Variants in USP33 observed in about 807,000 individuals in gnomAD.
The protein encoded by USP33 is ubiquitin specific peptidase 33.
In USP33, 46 loss-of-function variants were observed where a neutral mutation model predicts 124.2. That is an observed-to-expected ratio of 0.37 (90% CI 0.29 to 0.47). The LOEUF is 0.47. USP33 is among the 20% of genes least tolerant of loss of function. USP33 has a pLI of 0.99. For synonymous variants in USP33, 350 were observed against 352.3 expected (o/e 0.99, Z 0.07); for missense variants, 851 against 1,070.6 (o/e 0.79, Z 2.86).
intron 1 of USP33, among the ~76,000 whole-genome samples, chr1:77,755,270 T>G (rs1045704154): frequency 2.6e-5 from 4 of 152,242 alleles, no homozygotes; most frequent in Admixed American, 2.6e-4. Context: ...AAACAAATGC[T>G]ATCACCATAT....
In USP33 at chr1:77,718,056, G is replaced by T. The variant is rs769382239; in HGVS notation, c.1738-9C>A. The T allele has an allele frequency of 2.5e-6, 4 of 1,574,562 alleles. No homozygotes were observed. The highest frequency in any genetic ancestry group is 1.2e-5 in the South Asian group (1 of 83,400). Reference sequence around the variant, plus strand: ...AGGTGGATGCACAAAATCTAAAAAAGAATAAAATTCAAAACTAATTTGTCA... The same window carrying T: ...AGGTGGATGCACAAAATCTAAAAAATAATAAAATTCAAAACTAATTTGTCA... On this transcript the variant is annotated splice_polypyrimidine_tract_variant and intron_variant, in intron 16 of 23. Coordinates refer to ENST00000370794, the MANE Select transcript of USP33 (RefSeq NM_201624.3).
At chr1:77,702,677 C>A (rs945250189) in intron 21 of USP33, among the ~76,000 whole-genome samples, 1 of 151,990 alleles carries the variant, frequency 6.6e-6, no homozygotes, top group Non-Finnish European at 1.5e-5. Flanking sequence ...ATTCCAATGT[C>A]AATTCAGGTA....
chr1:77,749,279 GATTT>G (rs1033916572), intron 1 of USP33, among the ~76,000 whole-genome samples: 1 of 152,012 alleles, frequency 6.6e-6, no homozygotes, highest in Non-Finnish European at 1.5e-5. Context: ...CCAGATTTGG[GATTT>G]ATTTATCTTC....
chr1:77,721,365 T>G, intron 14 of USP33, 160 bp from the exon 15 acceptor site: 1 of 677,576 alleles, frequency 1.5e-6, no homozygotes. Flanking sequence ...CTGTTTACCT[T>G]CCCCTCCCTT....
intron 1 of USP33, among the ~76,000 whole-genome samples, chr1:77,746,887 A>G (rs906078667): frequency 6.6e-6 from 1 of 152,228 alleles, no homozygotes; most frequent in African/African-American, 2.4e-5. Context: ...TCTCAAAATA[A>G]TAAGAGCTAT....
At chr1:77,716,522 G>C (rs1008455161) in intron 17 of USP33, among the ~76,000 whole-genome samples, 1 of 152,156 alleles carries the variant, frequency 6.6e-6, no homozygotes, top group Non-Finnish European at 1.5e-5. Flanking sequence ...AGTGAGACTC[G>C]CATTTATTCA....
chr1:77,754,580 C>A (rs1680633843), intron 1 of USP33, among the ~76,000 whole-genome samples: 1 of 152,294 alleles, frequency 6.6e-6, no homozygotes, highest in South Asian at 2.1e-4. Flanking sequence ...ATCATTCAAA[C>A]CTCTGTGAGG....
chr1:77,698,130 A>G (rs1673604232), intron 22 of USP33, among the ~76,000 whole-genome samples, 199 bp from the exon 23 acceptor site: 1 of 150,130 alleles, frequency 6.7e-6, no homozygotes, highest in Non-Finnish European at 1.5e-5. Context: ...CAGTGGCACC[A>G]TCACAGCTCA....
chr1:77,697,739 CTAGT>C, intron 23 of USP33, 120 bp downstream of exon 23: 1 of 1,069,336 alleles, frequency 9.4e-7, no homozygotes. Flanking sequence ...ATTACTTGCC[CTAGT>C]TAATGTATGG....
intron 22 of USP33, among the ~76,000 whole-genome samples, chr1:77,700,006 C>T (rs1673823283): frequency 6.6e-6 from 1 of 151,024 alleles, no homozygotes; most frequent in African/African-American, 2.4e-5. Context: ...AACACAAGGA[C>T]ACAGGGAGGA....
intron 10 of USP33, among the ~76,000 whole-genome samples, chr1:77,726,325 A>G (rs984278365): frequency 1.3e-5 from 2 of 151,734 alleles, no homozygotes; most frequent in Non-Finnish European, 2.9e-5. Flanking sequence ...GCCAAAGAGG[A>G]TCTTGTTTGT....
chr1:77,711,528 TACACACACACACAC>T lies in USP33; in HGVS notation c.2406+205_2406+218del, dbSNP rs66475824. The T allele has an allele frequency of 1.3e-3, 472 of 352,086 alleles. 2 individuals are homozygous for T. The highest frequency in any genetic ancestry group is 2.1e-3 in the Non-Finnish European group (436 of 209,768). 21.8% of individuals were successfully genotyped at this position (352,086 alleles called of 1,614,324 possible). On this transcript the variant is annotated intron_variant, in intron 21 of 23. Coordinates refer to ENST00000370794, the MANE Select transcript of USP33 (RefSeq NM_201624.3). ...GGCGACAGAGCAAGATTTTGTCTCA[TACACACACACACAC>T]ACACACACACACACACACAAAGGGA... is the stretch of plus-strand genomic sequence containing the variant.
chr1:77,717,422 G>T (rs977770691), intron 17 of USP33: 1 of 151,504 alleles, frequency 6.6e-6, no homozygotes, highest in Non-Finnish European at 1.5e-5. Context: ...CCTGGGAGGC[G>T]GTGGTTGCAG....
At chr1:77,746,799 T>C (rs1679787549) in intron 1 of USP33, among the ~76,000 whole-genome samples, 1 of 152,236 alleles carries the variant, frequency 6.6e-6, no homozygotes, top group Admixed American at 6.5e-5. Context: ...TCTCAATAGA[T>C]GCAGAAAAGG....
At chr1:77,748,792 C>T (rs1014169400) in intron 1 of USP33, among the ~76,000 whole-genome samples, 2 of 132,322 alleles carry the variant, frequency 1.5e-5, no homozygotes, top group East Asian at 4.4e-4. Context: ...CCCCCCCCCC[C>T]GTGCTTGAAT....
At chr1:77,704,099 A>G (rs1254993854) in intron 21 of USP33, among the ~76,000 whole-genome samples, 1 of 151,312 alleles carries the variant, frequency 6.6e-6, no homozygotes, top group Non-Finnish European at 1.5e-5. Context: ...CGGGCAAAAG[A>G]GCAACAACTT....
chr1:77,697,298 ACT>A lies in USP33; in HGVS notation c.*17_*18del. The A allele has an allele frequency of 6.4e-7, 1 of 1,573,818 alleles. No homozygotes were observed. The highest frequency in any genetic ancestry group is 1.2e-5 in the South Asian group (1 of 83,814). On this transcript the variant is annotated 3_prime_UTR_variant, in exon 24 of 24. Transcript: ENST00000370794. ...CACATGAAAATGATTCCTCATTAGA[ACT>A]CTCTACATCCTAAAAATTACAAAGA...
intron 17 of USP33, chr1:77,717,546 T>C (rs916455977): frequency 3.0e-5 from 5 of 164,228 alleles, no homozygotes; most frequent in Non-Finnish European, 6.6e-5. Context: ...ATTTTCAATA[T>C]TGGAAACATC....
At position 77,697,137 on chromosome 1, in the gene USP33, A is replaced by G. The variant is rs1227063191; in HGVS notation, c.*180T>C. On this transcript the variant is annotated 3_prime_UTR_variant, in exon 24 of 24. Transcript: ENST00000370794. ...TAAGTATTTAAAACTAAATATACCAACCTGTGGTATATTACACATTTTAAT... is the reference window on the plus strand; with the variant it reads ...TAAGTATTTAAAACTAAATATACCAGCCTGTGGTATATTACACATTTTAAT... 6 of 545,092 alleles carry G rather than the reference A, an allele frequency of 1.1e-5. No individual in the cohort carries two copies. Among genetic ancestry groups the G allele is most frequent in the Non-Finnish European group, 1.5e-5 (5 of 325,146 alleles). The allele number at this position is 545,092 out of a possible 1,614,324, so 33.8% of individuals were successfully genotyped here. A position where few individuals can be genotyped will look rare whatever the true frequency, so the allele number is the denominator to read the frequency against.
Sources: gnomAD v4.1 joint callset for allele counts (sites outside exome capture counted in the v4.1 genomes callset) on GRCh38, gnomAD v4.1.1 for gene constraint, MANE v1.5 for transcripts, NCBI Gene and HGNC (gene_info 2026-07-23, HGNC 2026-07-21) for gene names.